The following KYNU variants were observed in gnomAD, a reference collection of about 807,000 sequenced individuals.
The protein encoded by KYNU is L-kynurenine hydrolase.
KYNU carries 54 observed loss-of-function variants against 59.2 expected under a neutral mutation model. The ratio of observed to expected loss-of-function variants is 0.91; its 90% CI spans 0.73 to 1.14. The LOEUF is 1.14. Among genes scored for constraint, KYNU ranks in the 50% most tolerant of loss-of-function variants. The pLI is 0.00. For missense variants in KYNU, 567 were observed against 554.4 expected (o/e 1.02, Z -0.23); for synonymous variants, 177 against 192.0 (o/e 0.92, Z 0.65).
chr2:143,037,051 G>A (rs936753233), intron 12 of KYNU, among the ~76,000 whole-genome samples: 3 of 152,030 alleles, frequency 2.0e-5, no homozygotes, highest in African/African-American at 7.2e-5. Flanking sequence ...GTATATGGTT[G>A]ATTGATATAA....
intron 10 of KYNU, among the ~76,000 whole-genome samples, chr2:142,999,590 T>C (rs1397115738): frequency 6.6e-6 from 1 of 152,184 alleles, no homozygotes; most frequent in Non-Finnish European, 1.5e-5. Flanking sequence ...ACAGGCTCTC[T>C]AATATTGTTT....
At chr2:143,006,225 G>A (rs895359238) in intron 10 of KYNU, among the ~76,000 whole-genome samples, 8 of 152,064 alleles carry the variant, frequency 5.3e-5, no homozygotes, top group African/African-American at 1.2e-4. Flanking sequence ...GAAACAGGGC[G>A]AGGCATTGCC....
chr2:142,988,817 A>G (rs781171693), intron 10 of KYNU: 159 of 1,507,264 alleles, frequency 1.1e-4, no homozygotes, highest in Non-Finnish European at 1.4e-4. Context: ...TGTACCAAGT[A>G]TCTTATATTG....
intron 2 of KYNU, among the ~76,000 whole-genome samples, chr2:142,907,556 A>G (rs1489489001): frequency 6.6e-6 from 1 of 152,238 alleles, no homozygotes; most frequent in Non-Finnish European, 1.5e-5. Flanking sequence ...CGTAACAAAT[A>G]CGGACAAGAA....
chr2:143,029,517 CA>C, intron 10 of KYNU, 109 bp from the exon 11 acceptor site: 1 of 725,898 alleles, frequency 1.4e-6, no homozygotes, highest in Non-Finnish European at 2.5e-6. Flanking sequence ...ACCCAAGAGG[CA>C]GAGGTGGCAG....
chr2:143,046,084 G>GTAC lies in KYNU; in HGVS notation c.*3914_*3916dup, dbSNP rs1687161030. 1 of 152,068 alleles carries GTAC rather than the reference G, an allele frequency of 6.6e-6. No homozygotes were observed. The highest frequency in any genetic ancestry group is 6.6e-5 in the Admixed American group (1 of 15,240). 9.4% of individuals were successfully genotyped at this position (152,068 alleles called of 1,614,324 possible). The stretch of plus-strand genomic sequence containing the variant: ...TCATGGAAAACATAATCAGCACCAT[G>GTAC]TACTCAACACCTAGGTTAAAAAATA... On this transcript the variant is annotated 3_prime_UTR_variant, in exon 14 of 14. Coordinates refer to ENST00000264170, the MANE Select transcript of KYNU (RefSeq NM_003937.3).
rs181819149 is a variant in KYNU at position 143,028,826 on chromosome 2, C to G, written c.903-801C>G. ...TTGCTCCATTGCACTCCAGCCTGGG[C>G]AACAAGAGCAAAACTCTGTCTCAAA... is the stretch of plus-strand genomic sequence containing the variant. On this transcript the variant is annotated intron_variant, in intron 10 of 13. Transcript: ENST00000264170. Among the ~76,000 whole-genome samples, 715 of 150,144 alleles carry G rather than the reference C, an allele frequency of 4.8e-3. 3 individuals carry two copies. The highest frequency in any genetic ancestry group is 7.9e-3 in the Non-Finnish European group (532 of 67,616).
intron 10 of KYNU, among the ~76,000 whole-genome samples, chr2:143,022,055 T>C (rs1250359273): frequency 1.3e-5 from 2 of 152,186 alleles, no homozygotes; most frequent in East Asian, 1.9e-4. Flanking sequence ...AAAAAAATTA[T>C]GTAACTTGAA....
intron 8 of KYNU, among the ~76,000 whole-genome samples, chr2:142,972,175 G>C (rs1025984109): frequency 6.6e-6 from 1 of 152,174 alleles, no homozygotes; most frequent in South Asian, 2.1e-4. Flanking sequence ...CTGGTAAAAA[G>C]AAACAGCTGA....
At chr2:142,885,684 T>C in intron 2 of KYNU, 148 bp downstream of exon 2, 2 of 757,194 alleles carry the variant, frequency 2.6e-6, no homozygotes, top group Non-Finnish European at 4.3e-6. Context: ...CCTGGTGCTC[T>C]CAATCAACCT....
At chr2:142,999,719 C>T (rs946163569) in intron 10 of KYNU, among the ~76,000 whole-genome samples, 2 of 151,876 alleles carry the variant, frequency 1.3e-5, no homozygotes, top group Admixed American at 6.6e-5. Flanking sequence ...TGATGTTGTT[C>T]GTCATGAAAA....
In KYNU at chr2:143,050,543, A is replaced by T. The variant is rs915086524; in HGVS notation, c.*8371A>T. ...TATACCACATTTTCTTCATCCAGTC[A>T]TGCAAATTTATATGAATGTCAATTC... On this transcript the variant is annotated 3_prime_UTR_variant, in exon 14 of 14. Coordinates refer to ENST00000264170, the MANE Select transcript of KYNU (RefSeq NM_003937.3). 6.6e-6 allele frequency: 1 copy of T among 152,130 alleles called. No homozygotes were observed. Among genetic ancestry groups the T allele is most frequent in the Admixed American group, 6.6e-5 (1 of 15,258 alleles). The allele number at this position is 152,130 out of a possible 1,614,324, so 9.4% of individuals were successfully genotyped here.
At chr2:142,927,559 G>A in intron 3 of KYNU, 100 bp from the exon 4 acceptor site, 2 of 860,552 alleles carry the variant, frequency 2.3e-6, no homozygotes, top group Non-Finnish European at 4.0e-6. Context: ...CACATAGAAA[G>A]GTCCACATAG....
At chr2:142,953,151 A>T (rs1373031626) in intron 4 of KYNU, among the ~76,000 whole-genome samples, 1 of 152,224 alleles carries the variant, frequency 6.6e-6, no homozygotes, top group Non-Finnish European at 1.5e-5. Context: ...AGAAACATTT[A>T]ATAGGGAGTG....
At chr2:142,882,430 T>A (rs1228910145) in intron 1 of KYNU, among the ~76,000 whole-genome samples, 1 of 152,122 alleles carries the variant, frequency 6.6e-6, no homozygotes, top group Non-Finnish European at 1.5e-5. Flanking sequence ...GCTGCACCCA[T>A]TAACTCGTCA....
chr2:142,937,622 GGACAGA>G (rs1404767044), intron 4 of KYNU, among the ~76,000 whole-genome samples: 2 of 152,192 alleles, frequency 1.3e-5, no homozygotes, highest in Admixed American at 1.3e-4. Context: ...GAAGATTTGT[GGACAGA>G]GAAAGTAAAG....
Position 143,047,852 on chromosome 2 carries a change from CTTTT to C in KYNU, c.*5703_*5706del, listed in dbSNP as rs61229238. The C allele has an allele frequency of 0.08, 7,824 of 98,244 alleles. 180 individuals carry two copies. Among genetic ancestry groups the C allele is most frequent in the East Asian group, 0.17 (531 of 3,174 alleles). 6.1% of individuals were successfully genotyped at this position (98,244 alleles called of 1,614,324 possible). A position where few individuals can be genotyped will look rare whatever the true frequency, so the allele number is the denominator to read the frequency against. On this transcript the variant is annotated 3_prime_UTR_variant, in exon 14 of 14. Coordinates refer to ENST00000264170, the MANE Select transcript of KYNU (RefSeq NM_003937.3). ...GGCATAAGCTGCCACTCCTGGACCTCTTTTTTTTTTTTTTTTTTTTTTTTTTGAG... is the reference window on the plus strand; with the variant it reads ...GGCATAAGCTGCCACTCCTGGACCTCTTTTTTTTTTTTTTTTTTTTTTGAG...
At chr2:142,921,202 A>G (rs944651993) in intron 3 of KYNU, among the ~76,000 whole-genome samples, 2 of 152,142 alleles carry the variant, frequency 1.3e-5, no homozygotes, top group Non-Finnish European at 2.9e-5. Context: ...GAAAATATGA[A>G]AGTTTCTATT....
intron 2 of KYNU, among the ~76,000 whole-genome samples, chr2:142,887,769 G>A (rs1681567849): frequency 6.6e-6 from 1 of 152,182 alleles, no homozygotes; most frequent in South Asian, 2.1e-4. Flanking sequence ...AGGGAGAAAT[G>A]AGGAGTTATT....
Sources: gnomAD v4.1 joint callset for allele counts (sites outside exome capture counted in the v4.1 genomes callset) on GRCh38, gnomAD v4.1.1 for gene constraint, MANE v1.5 for transcripts, NCBI Gene and HGNC (gene_info 2026-07-23, HGNC 2026-07-21) for gene names.